The following TXNDC11 variants were observed in gnomAD, a reference collection of about 807,000 sequenced individuals.
The protein encoded by TXNDC11 is thioredoxin domain containing 11, also known as thioredoxin domain-containing protein 11.
A neutral mutation model predicts 78.0 loss-of-function variants in TXNDC11; 68 were observed. The observed-to-expected ratio is 0.87, with a 90% CI of 0.72 to 1.07. The LOEUF is 1.07. TXNDC11 is among the 50% of genes least tolerant of loss of function. The probability of loss-of-function intolerance (pLI) is 0.00; values close to 1 mark genes in which losing one functional copy is unlikely to be tolerated. For missense variants in TXNDC11, 1,389 were observed against 1,221.8 expected, an observed-to-expected ratio of 1.14 and a Z score of -2.04; for synonymous variants, 571 against 495.2, an observed-to-expected ratio of 1.15 and a Z score of -2.03.
chr16:11,740,920 C>T (rs973879594), intron 1 of TXNDC11, among the ~76,000 whole-genome samples: 2 of 152,188 alleles, frequency 1.3e-5, no homozygotes, highest in Non-Finnish European at 2.9e-5. Flanking sequence ...GGTTCCCAAG[C>T]AGGCAATTTT....
chr16:11,739,846 A>C (rs890151032), intron 1 of TXNDC11, among the ~76,000 whole-genome samples: 1 of 152,120 alleles, frequency 6.6e-6, no homozygotes, highest in African/African-American at 2.4e-5. Flanking sequence ...CAGACATTGA[A>C]AAGAGCAGAC....
intron 5 of TXNDC11, among the ~76,000 whole-genome samples, chr16:11,701,822 G>A (rs1200468355): frequency 1.3e-5 from 2 of 152,030 alleles, no homozygotes; most frequent in African/African-American, 4.8e-5. Flanking sequence ...AGGCAAAACG[G>A]CACAGCCACT....
chr16:11,732,821 C>T (rs2052094773), intron 3 of TXNDC11, among the ~76,000 whole-genome samples: 1 of 152,078 alleles, frequency 6.6e-6, no homozygotes, highest in South Asian at 2.1e-4. Flanking sequence ...ACTGTTTGTG[C>T]ATGTTTGCTA....
chr16:11,708,376 G>A (rs1205163183), intron 5 of TXNDC11, among the ~76,000 whole-genome samples: 1 of 152,140 alleles, frequency 6.6e-6, no homozygotes, highest in Non-Finnish European at 1.5e-5. Context: ...AAAAAGTGGG[G>A]CTCTAGACCT....
intron 5 of TXNDC11, among the ~76,000 whole-genome samples, chr16:11,716,936 C>T (rs1261016872): frequency 2.6e-5 from 4 of 151,938 alleles, no homozygotes; most frequent in Non-Finnish European, 4.4e-5. Flanking sequence ...GTAGTTAAAG[C>T]AGGCATCATC....
At chr16:11,708,724 C>T (rs2141053024) in intron 5 of TXNDC11, among the ~76,000 whole-genome samples, 1 of 152,320 alleles carries the variant, frequency 6.6e-6, no homozygotes, top group African/African-American at 2.4e-5. Flanking sequence ...GTCATTTACT[C>T]CATGGGGAAA....
intron 5 of TXNDC11, 73 bp downstream of exon 5, chr16:11,721,504 T>C: frequency 3.8e-6 from 3 of 784,600 alleles, no homozygotes; most frequent in South Asian, 3.1e-5. Flanking sequence ...TATATATTCA[T>C]AATAACACAT....
intron 1 of TXNDC11, among the ~76,000 whole-genome samples, chr16:11,739,527 G>C (rs755145978): frequency 4.6e-5 from 7 of 152,048 alleles, no homozygotes; most frequent in Non-Finnish European, 4.4e-5. Context: ...GGGCAACATA[G>C]AAAAAAGGCC....
In TXNDC11 at chr16:11,736,186, A is replaced by C; in HGVS notation, c.302T>G (p.Phe101Cys). 6.2e-7 allele frequency: 1 copy of C among 1,614,012 alleles called. No homozygotes were observed. The highest frequency in any genetic ancestry group is 8.5e-7 in the Non-Finnish European group (1 of 1,179,916). The change falls in exon 2 of 12, where the codon TTC (phenylalanine) becomes TGC (cysteine). Residue 101 changes from phenylalanine to cysteine, a missense_variant. Coordinates refer to ENST00000283033, the MANE Select transcript of TXNDC11 (RefSeq NM_015914.7). ...IIPAKPPVSF[F>C]SLRSPVLDLF... ...GTCAAGGACTGGAGACCTCAAGGAG[A>C]AAAAGCTGACAGGTGGCTTTGCTGG... is the stretch of plus-strand genomic sequence containing the variant.
chr16:11,692,139 C>T (rs1472990308), intron 7 of TXNDC11, 57 bp from the exon 8 acceptor site: 2 of 1,350,010 alleles, frequency 1.5e-6, no homozygotes, highest in Admixed American at 2.5e-5. Context: ...GACTAGCACC[C>T]CGTTAGCCAC....
chr16:11,740,779 G>T (rs995762235), intron 1 of TXNDC11, among the ~76,000 whole-genome samples: 1 of 152,190 alleles, frequency 6.6e-6, no homozygotes, highest in African/African-American at 2.4e-5. Context: ...CACGAAGGCT[G>T]GACTCCTTCA....
At chr16:11,715,771 C>G (rs1040492029) in intron 5 of TXNDC11, among the ~76,000 whole-genome samples, 1 of 152,004 alleles carries the variant, frequency 6.6e-6, no homozygotes, top group Admixed American at 6.6e-5. Flanking sequence ...GAAAACCATG[C>G]GTTACAAATA....
rs1384202452 is a variant in TXNDC11 at position 11,679,649 on chromosome 16, T to C, written c.2423A>G (p.Gln808Arg). The C allele has an allele frequency of 6.2e-7, 1 of 1,614,218 alleles. No homozygotes were observed. The highest frequency in any genetic ancestry group is 8.5e-7 in the Non-Finnish European group (1 of 1,180,046). The change falls in exon 12 of 12, where the codon CAG becomes CGG. Residue 808 changes from glutamine (Q) to arginine (R), a missense_variant. Coordinates refer to ENST00000283033, the MANE Select transcript of TXNDC11 (RefSeq NM_015914.7). This position sits in a 1 kb window ranked among gnomAD's most constrained non-coding sequence, Gnocchi z 4.6. Reference sequence around the variant, plus strand: ...GCTGCTTATTTCTGCTCTCAGTTTCTGGATCTCTCTCTCCAAGTGGGAGAT... The same window carrying C: ...GCTGCTTATTTCTGCTCTCAGTTTCCGGATCTCTCTCTCCAAGTGGGAGAT... ...GHISHLEREIQKLRAEISSLQ... is the reference protein window; with the variant it reads ...GHISHLEREIRKLRAEISSLQ...
rs755285782 is a variant in TXNDC11 at position 11,679,845 on chromosome 16, G to C, written c.2235-8C>G. On this transcript the variant is annotated splice_region_variant and splice_polypyrimidine_tract_variant and intron_variant, in intron 11 of 11. Transcript: ENST00000283033. This position sits in a 1 kb window ranked among gnomAD's most constrained non-coding sequence, Gnocchi z 4.6. ...TTCACACTTAGGTCCTTTCTGGAGA[G>C]AGAGGGAAAGGAAGCAAAGACAGGA... 3.7e-6 allele frequency: 6 copies of C among 1,600,908 alleles called. No homozygotes were observed. The Admixed American group carries it at 6.7e-5, about 18-fold the overall frequency.
Position 11,691,717 on chromosome 16 carries a change from T to C in TXNDC11, c.1473A>G (p.Glu491=). ...TFYHVASDSI[E]CSNFLTSYSP... is the part of the protein sequence containing the mutation. ...TATAGGAAGTTAAAAAATTGCTGCATTCTATGCTGTCTGATGCCACATGAT... is the reference window on the plus strand; with the variant it reads ...TATAGGAAGTTAAAAAATTGCTGCACTCTATGCTGTCTGATGCCACATGAT... Residue 491 remains glutamate, a synonymous_variant, in exon 8 of 12, where the codon GAA becomes GAG. Coordinates refer to ENST00000283033, the MANE Select transcript of TXNDC11 (RefSeq NM_015914.7). 1 of 1,614,218 alleles carries C rather than the reference T, an allele frequency of 6.2e-7. No individual in the cohort carries two copies. The highest frequency in any genetic ancestry group is 8.5e-7 in the Non-Finnish European group (1 of 1,180,042).
chr16:11,706,518 CA>C, intron 5 of TXNDC11, among the ~76,000 whole-genome samples: 1 of 152,334 alleles, frequency 6.6e-6, no homozygotes, highest in South Asian at 2.1e-4. Flanking sequence ...GTGCTTTGAG[CA>C]GAAATGGTCT....
chr16:11,704,596 T>C (rs1461560447), intron 5 of TXNDC11, among the ~76,000 whole-genome samples: 1 of 152,240 alleles, frequency 6.6e-6, no homozygotes, highest in Non-Finnish European at 1.5e-5. Context: ...TAAGAAGTGC[T>C]GAGAAGTACC....
intron 5 of TXNDC11, among the ~76,000 whole-genome samples, chr16:11,714,834 A>G (rs2051480987): frequency 6.6e-6 from 1 of 152,174 alleles, no homozygotes; most frequent in African/African-American, 2.4e-5. Flanking sequence ...TTCCTCTAAA[A>G]CACTATTTCC....
rs368333237 is a variant in TXNDC11 at position 11,728,725 on chromosome 16, C to T, written c.699+1920G>A. On this transcript the variant is annotated intron_variant, in intron 4 of 11. Transcript: ENST00000283033. ...CTTTGGGAGGCTGAGGCAGAACGATCGCTTGAGCCGAGTTCATGCCACCAC... is the reference window on the plus strand; with the variant it reads ...CTTTGGGAGGCTGAGGCAGAACGATTGCTTGAGCCGAGTTCATGCCACCAC... Among the ~76,000 whole-genome samples the T allele has an allele frequency of 6.6e-5, 10 of 152,260 alleles. No individual in the cohort carries two copies. The East Asian group carries it at 1.2e-3, about 18-fold the overall frequency.
Sources: gnomAD v4.1 joint callset for allele counts (sites outside exome capture counted in the v4.1 genomes callset) on GRCh38, gnomAD v4.1.1 for gene constraint, Gnocchi (gnomAD v3.1) non-coding constraint, MANE v1.5 for transcripts, NCBI Gene and HGNC (gene_info 2026-07-23, HGNC 2026-07-21) for gene names.